ANKIB1: variants seen among roughly 807,000 people sequenced by gnomAD.
ANKIB1 encodes ankyrin repeat and IBR domain containing 1.
A neutral mutation model predicts 122.1 loss-of-function variants in ANKIB1; 43 were observed. That is an observed-to-expected ratio of 0.35 (90% CI 0.28 to 0.45). The LOEUF (loss-of-function observed/expected upper bound fraction) is 0.45, where lower values mean the gene tolerates loss of function less well. Among genes scored for constraint, ANKIB1 ranks in the 20% least tolerant of loss-of-function variants. ANKIB1 has a pLI of 1.00. For synonymous variants in ANKIB1, 390 were observed against 442.0 expected, an observed-to-expected ratio of 0.88 and a Z score of 1.48; for missense variants, 992 against 1,329.5, an observed-to-expected ratio of 0.75 and a Z score of 3.95.
At chr7:92,320,168 C>CA (rs2131949477) in intron 4 of ANKIB1, among the ~76,000 whole-genome samples, 3 of 152,152 alleles carry the variant, frequency 2.0e-5, no homozygotes, top group African/African-American at 7.2e-5. Context: ...AAAAACAAAA[C>CA]AAAAAACATA....
At chr7:92,383,387 T>C (rs1804562657) in intron 11 of ANKIB1, among the ~76,000 whole-genome samples, 1 of 152,126 alleles carries the variant, frequency 6.6e-6, no homozygotes, top group Non-Finnish European at 1.5e-5. Flanking sequence ...CCTAACTCAT[T>C]TTATGAGGCC....
At chr7:92,335,985 T>C (rs1803279580) in intron 5 of ANKIB1, among the ~76,000 whole-genome samples, 1 of 152,086 alleles carries the variant, frequency 6.6e-6, no homozygotes, top group African/African-American at 2.4e-5. Context: ...TATATTCTTA[T>C]CATTTTATAG....
rs776452691 is a variant in ANKIB1 at position 92,335,198 on chromosome 7, C to CT, written c.787+7299dup. Among the ~76,000 whole-genome samples the CT allele has an allele frequency of 2.1e-4, 32 of 151,804 alleles. 1 individual carries two copies. Among genetic ancestry groups the CT allele is most frequent in the Non-Finnish European group, 4.3e-4 (29 of 67,780 alleles). On this transcript the variant is annotated intron_variant, in intron 5 of 19. Transcript: ENST00000265742. ...CATCTGTTATTTAGAATAATATAGTCTAATTTTCAAATATTTGAGATTTTT... is the reference window on the plus strand; with the variant it reads ...CATCTGTTATTTAGAATAATATAGTCTTAATTTTCAAATATTTGAGATTTTT...
At chr7:92,278,200 A>G (rs1271118652) in intron 1 of ANKIB1, among the ~76,000 whole-genome samples, 1 of 152,072 alleles carries the variant, frequency 6.6e-6, no homozygotes, top group East Asian at 1.9e-4. Flanking sequence ...TCAGTGAGCT[A>G]TGATCACACC....
chr7:92,350,293 G>A (rs981165353), intron 7 of ANKIB1, among the ~76,000 whole-genome samples: 1 of 151,894 alleles, frequency 6.6e-6, no homozygotes, highest in African/African-American at 2.4e-5. Context: ...TAAAGCTGTA[G>A]CATATTGAGA....
In ANKIB1 at chr7:92,246,316, C is replaced by T; in HGVS notation, c.-294C>T. ...CCTTCGGCTCACGCAGCGCTTCCCG[C>T]GGGCCGCCAGTGCGCACCCTCGGCC... is the stretch of plus-strand genomic sequence containing the variant. On this transcript the variant is annotated 5_prime_UTR_variant, in exon 1 of 20. Transcript: ENST00000265742. The T allele has an allele frequency of 2.5e-6, 1 of 404,398 alleles. No homozygotes were observed. Among genetic ancestry groups the T allele is most frequent in the Non-Finnish European group, 4.8e-6 (1 of 207,574 alleles). The allele number at this position is 404,398 out of a possible 1,614,324, so 25.1% of individuals were successfully genotyped here. A position where few individuals can be genotyped will look rare whatever the true frequency, so the allele number is the denominator to read the frequency against.
At chr7:92,254,599 T>G (rs775256160) in intron 1 of ANKIB1, among the ~76,000 whole-genome samples, 3 of 152,224 alleles carry the variant, frequency 2.0e-5, no homozygotes, top group Non-Finnish European at 4.4e-5. Context: ...TAGCCATCTT[T>G]CAATATATTT....
intron 7 of ANKIB1, among the ~76,000 whole-genome samples, chr7:92,345,798 C>CT (rs74719510): frequency 3.6e-4 from 52 of 144,530 alleles, no homozygotes; most frequent in South Asian, 1.3e-3. Flanking sequence ...AGTTTTTAAC[C>CT]TTTTTTTTTT....
chr7:92,392,322 T>C (rs1426936376), intron 17 of ANKIB1, 30 bp downstream of exon 17: 1 of 1,599,546 alleles, frequency 6.3e-7, no homozygotes, highest in East Asian at 2.2e-5. Flanking sequence ...TTTGTTTTTG[T>C]ATTTTTTCTT....
intron 5 of ANKIB1, among the ~76,000 whole-genome samples, chr7:92,331,644 AAG>A (rs981797434): frequency 6.6e-6 from 1 of 152,158 alleles, no homozygotes; most frequent in Non-Finnish European, 1.5e-5. Flanking sequence ...GCTAGTCAGA[AAG>A]AGAAAAGAGC....
chr7:92,321,346 A>G (rs991137169), intron 4 of ANKIB1, among the ~76,000 whole-genome samples: 2 of 152,008 alleles, frequency 1.3e-5, no homozygotes, highest in Admixed American at 6.6e-5. Context: ...AGATCTCAAA[A>G]CCTATTCTTC....
intron 4 of ANKIB1, among the ~76,000 whole-genome samples, chr7:92,322,834 G>A (rs1310327232): frequency 6.6e-6 from 1 of 152,062 alleles, no homozygotes; most frequent in Non-Finnish European, 1.5e-5. Context: ...TGCCATTATT[G>A]TAGTTAAAAA....
chr7:92,303,953 G>GT (rs1484122089), intron 2 of ANKIB1, among the ~76,000 whole-genome samples: 1 of 151,920 alleles, frequency 6.6e-6, no homozygotes, highest in Non-Finnish European at 1.5e-5. Context: ...TCCTGGATGG[G>GT]TTATTAGGGT....
In ANKIB1 at chr7:92,398,734, C is replaced by T. The variant is rs767588700; in HGVS notation, c.3055C>T (p.Pro1019Ser). The T allele has an allele frequency of 1.9e-6, 3 of 1,613,278 alleles. No individual in the cohort carries two copies. The South Asian group carries it at 3.3e-5, about 18-fold the overall frequency. Residue 1019 changes from proline to serine, a missense_variant, in exon 20 of 20, where the codon CCA becomes TCA. This residue lies in a region of ANKIB1 where 384 missense variants were observed against 412.0 expected (regional missense o/e 0.93). Transcript: ENST00000265742. ...TGTGAAGGATGTGGAACTGGTGCTGCCAGAAGATTCAATGTTTGAAGATGC... is the reference window on the plus strand; with the variant it reads ...TGTGAAGGATGTGGAACTGGTGCTGTCAGAAGATTCAATGTTTGAAGATGC... ...EGVKDVELVLPEDSMFEDASV... is the reference protein window; with the variant it reads ...EGVKDVELVLSEDSMFEDASV...
Position 92,246,522 on chromosome 7 carries a change from A to T in ANKIB1, c.-91+3A>T, listed in dbSNP as rs1446086957. 1.9e-6 allele frequency: 1 copy of T among 518,158 alleles called. No homozygotes were observed. Among genetic ancestry groups the T allele is most frequent in the African/African-American group, 1.9e-5 (1 of 51,946 alleles). 32.1% of individuals were successfully genotyped at this position (518,158 alleles called of 1,614,324 possible). A position where few individuals can be genotyped will look rare whatever the true frequency, so the allele number is the denominator to read the frequency against. Reference sequence around the variant, plus strand: ...TACCCTCAGCGAGAGAAGTAACCGTAAGTCTCAGCTTCGCGGTACAGATGT... The same window carrying T: ...TACCCTCAGCGAGAGAAGTAACCGTTAGTCTCAGCTTCGCGGTACAGATGT... On this transcript the variant is annotated splice_donor_region_variant and intron_variant, in intron 1 of 19. Coordinates refer to ENST00000265742, the MANE Select transcript of ANKIB1 (RefSeq NM_019004.2).
chr7:92,288,314 G>C (rs1182374759), intron 1 of ANKIB1, among the ~76,000 whole-genome samples: 3 of 152,296 alleles, frequency 2.0e-5, no homozygotes, highest in Non-Finnish European at 4.4e-5. Flanking sequence ...CCATTTGTAT[G>C]ATGCAAACTA....
chr7:92,336,204 T>C (rs566084711), intron 5 of ANKIB1, among the ~76,000 whole-genome samples: 2 of 152,190 alleles, frequency 1.3e-5, no homozygotes, highest in South Asian at 4.1e-4. Flanking sequence ...ATCATTTCTG[T>C]CTCCAAGTTC....
intron 1 of ANKIB1, among the ~76,000 whole-genome samples, chr7:92,268,351 G>A (rs1801716378): frequency 6.6e-6 from 1 of 152,202 alleles, no homozygotes; most frequent in Admixed American, 6.5e-5. Context: ...GAATATAATG[G>A]AAGAAAGCAT....
chr7:92,335,569 C>T (rs1352923318), intron 5 of ANKIB1, among the ~76,000 whole-genome samples: 4 of 151,932 alleles, frequency 2.6e-5, no homozygotes, highest in Non-Finnish European at 5.9e-5. Flanking sequence ...ATATTAGGCT[C>T]ATATACATTT....
Sources: allele counts gnomAD v4.1 joint callset (sites outside exome capture counted in the v4.1 genomes callset), GRCh38; gene constraint gnomAD v4.1.1; regional missense constraint gnomAD v4.1.1; transcripts MANE v1.5; gene names NCBI Gene and HGNC (gene_info 2026-07-23, HGNC 2026-07-21).